Variants in WDR20 observed in about 807,000 individuals in gnomAD.
WDR20 encodes WD repeat domain 20.
A neutral mutation model predicts 38.7 loss-of-function variants in WDR20; 3 were observed. The observed-to-expected ratio is 0.08, with a 90% CI of 0.04 to 0.20. The LOEUF (loss-of-function observed/expected upper bound fraction) is 0.20. Ranked by LOEUF, WDR20 falls within the 10% of genes least tolerant of loss-of-function variation. The pLI is 1.00. For synonymous variants in WDR20, 298 were observed against 285.6 expected, an observed-to-expected ratio of 1.04 and a Z score of -0.44; for missense variants, 559 against 727.7, an observed-to-expected ratio of 0.77 and a Z score of 2.67.
At chr14:102,153,791 G>C (rs1006305298) in intron 1 of WDR20, among the ~76,000 whole-genome samples, 1 of 152,138 alleles carries the variant, frequency 6.6e-6, no homozygotes, top group African/African-American at 2.4e-5. Flanking sequence ...GCTCCTTCTT[G>C]CTGTTTAGAT....
At chr14:102,152,560 G>A (rs564490286) in intron 1 of WDR20, among the ~76,000 whole-genome samples, 8 of 151,478 alleles carry the variant, frequency 5.3e-5, no homozygotes, top group African/African-American at 1.2e-4. Flanking sequence ...GACTATAGGC[G>A]TGTGCCACCA....
rs567319496 is a variant in WDR20 at position 102,184,650 on chromosome 14, AT to A, written c.250-10286del. 7.6e-4 allele frequency among the ~76,000 whole-genome samples: 115 copies of A among 152,072 alleles called. 1 individual carries two copies. Among genetic ancestry groups the A allele is most frequent in the African/African-American group, 2.7e-3 (111 of 41,486 alleles). On this transcript the variant is annotated intron_variant, in intron 1 of 2. Transcript: ENST00000342702. ...TGATGAGCAGCAAGCAATTCCAGAG[AT>A]TGTCACTGTGAAATTTTTACTTAAC...
Position 102,140,006 on chromosome 14 carries a change from C to G in WDR20, c.83C>G (p.Pro28Arg). The G allele has an allele frequency of 6.2e-7, 1 of 1,614,226 alleles. No individual in the cohort carries two copies. The highest frequency in any genetic ancestry group is 8.5e-7 in the Non-Finnish European group (1 of 1,180,024). Residue 28 changes from proline (P) to arginine (R), a missense_variant, in exon 1 of 3, where the codon CCG becomes CGG. Transcript: ENST00000342702. Reference protein sequence around the residue: ...TTREGLYKLLPHSEYSRPNRV... With the variant: ...TTREGLYKLLRHSEYSRPNRV... ...CGGGAAGGTCTGTACAAGCTGCTGC[C>G]GCACTCGGAGTACAGCCGGCCCAAC...
chr14:102,139,437 C>T (rs766212680), upstream of WDR20: 4 of 1,510,122 alleles, frequency 2.6e-6, no homozygotes, highest in South Asian at 3.8e-5. Flanking sequence ...CGCGTGCTGG[C>T]TCCGAAGCGG....
At chr14:102,160,854 A>G (rs2058468085) in intron 1 of WDR20, among the ~76,000 whole-genome samples, 1 of 144,896 alleles carries the variant, frequency 6.9e-6, no homozygotes, top group Admixed American at 7.2e-5. Flanking sequence ...AGGCTGAGGC[A>G]GGAGAATGGC....
At chr14:102,172,302 T>G (rs2061006162) in intron 1 of WDR20, among the ~76,000 whole-genome samples, 1 of 150,792 alleles carries the variant, frequency 6.6e-6, no homozygotes, top group Non-Finnish European at 1.5e-5. Flanking sequence ...CTCCCATGTC[T>G]GCTTCTTTCC....
chr14:102,160,168 C>T (rs1596020732), intron 1 of WDR20, among the ~76,000 whole-genome samples: 1 of 152,080 alleles, frequency 6.6e-6, no homozygotes, highest in African/African-American at 2.4e-5. Flanking sequence ...TTTAAGTGTA[C>T]AATTGAATGA....
intron 1 of WDR20, among the ~76,000 whole-genome samples, chr14:102,194,387 G>A (rs1178182841): frequency 2.0e-5 from 3 of 152,170 alleles, no homozygotes; most frequent in South Asian, 2.1e-4. Flanking sequence ...GCCTCTTTAC[G>A]ACTTGCTGGC....
At chr14:102,210,948 G>T (rs1322506447), downstream of WDR20, among the ~76,000 whole-genome samples, 1 of 152,156 alleles carries the variant, frequency 6.6e-6, no homozygotes, top group Non-Finnish European at 1.5e-5. Context: ...ATTACTCTTG[G>T]GATGCTGACG....
downstream of WDR20, among the ~76,000 whole-genome samples, chr14:102,216,198 C>T (rs1010679105): frequency 6.6e-6 from 1 of 152,188 alleles, no homozygotes; most frequent in African/African-American, 2.4e-5. Context: ...TGTCTTGAGT[C>T]TGGGCTGTCA....
At chr14:102,175,964 G>C (rs1234296554) in intron 1 of WDR20, among the ~76,000 whole-genome samples, 1 of 151,744 alleles carries the variant, frequency 6.6e-6, no homozygotes, top group East Asian at 1.9e-4. Flanking sequence ...GAGTCTTTAG[G>C]GTTTTCTAGG....
downstream of WDR20, chr14:102,223,747 GTT>G (rs904298247): frequency 7.2e-5 from 11 of 152,182 alleles, no homozygotes; most frequent in Non-Finnish European, 2.9e-5. Flanking sequence ...GTATGGAATT[GTT>G]TTGTCTTTTT....
chr14:102,214,093 G>A (rs891738594), downstream of WDR20: 7 of 985,414 alleles, frequency 7.1e-6, no homozygotes, highest in Admixed American at 1.2e-4. Context: ...GGCGGCGGTC[G>A]GTGTGCCCTT....
At chr14:102,148,696 TG>T (rs1296138510) in intron 1 of WDR20, among the ~76,000 whole-genome samples, 2,347 of 151,430 alleles carry the variant, frequency 0.015, 48 homozygotes, top group South Asian at 0.093. Flanking sequence ...TGTGTGTGTG[TG>T]TGTGTGTGTG....
rs555145243 is a variant in WDR20 at position 102,220,037 on chromosome 14, T to G, written c.1693-2793T>G. On this transcript the variant is annotated intron_variant, in intron 3 of 3. Transcript: ENST00000335263. The surrounding 1 kb of genome is among the most constrained non-coding windows in gnomAD (Gnocchi z 4.2). The stretch of plus-strand genomic sequence containing the variant: ...CATTTGTTTTGTGCTAATGGGAGAA[T>G]AGGAAGCCTGCAGCCCTCGCGTTGG... Among the ~76,000 whole-genome samples, 1 of 152,214 alleles carries G rather than the reference T, an allele frequency of 6.6e-6. No individual in the cohort carries two copies. The highest frequency in any genetic ancestry group is 1.5e-5 in the Non-Finnish European group (1 of 68,032).
rs1375095402 is a variant in WDR20 at position 102,222,842 on chromosome 14, TC to T, written c.1709del (p.Pro570GlnfsTer11). 5.0e-6 allele frequency: 8 copies of T among 1,614,170 alleles called. No homozygotes were observed. The South Asian group carries it at 7.7e-5, about 16-fold the overall frequency. On this transcript the variant is annotated frameshift_variant, in exon 4 of 4. Transcript: ENST00000335263. LOFTEE classifies it high-confidence loss of function. The surrounding 1 kb of genome is among the most constrained non-coding windows in gnomAD (Gnocchi z 4.4). The stretch of plus-strand genomic sequence containing the variant: ...GCTTTGTTTGCAGGGCTCATTGTCA[TC>T]CCCAAGCCAGGCCAGTTCTCCAGGT...
chr14:102,216,419 G>GT (rs1244966835), downstream of WDR20, among the ~76,000 whole-genome samples: 1 of 152,096 alleles, frequency 6.6e-6, no homozygotes, highest in Non-Finnish European at 1.5e-5. Flanking sequence ...GGCCTCTTGA[G>GT]TAACTGGGAC....
chr14:102,189,504 A>G (rs892797114), intron 1 of WDR20, among the ~76,000 whole-genome samples: 1 of 152,260 alleles, frequency 6.6e-6, no homozygotes, highest in Non-Finnish European at 1.5e-5. Flanking sequence ...TTCTACAAAT[A>G]CTTAGCCTCT....
rs980691365 is a variant in WDR20 at position 102,222,138 on chromosome 14, A to G, written c.1693-692A>G. Among the ~76,000 whole-genome samples the G allele has an allele frequency of 2.0e-5, 3 of 147,458 alleles. No individual in the cohort carries two copies. The highest frequency in any genetic ancestry group is 7.6e-5 in the African/African-American group (3 of 39,680). On this transcript the variant is annotated intron_variant, in intron 3 of 3. Coordinates refer to the WDR20 transcript ENST00000335263. The surrounding 1 kb of genome is among the most constrained non-coding windows in gnomAD (Gnocchi z 4.4). Reference sequence around the variant, plus strand: ...TCAGCAGGAGCCGCCCTAAAGAGCCAGATGCCCCCCACCATTCTTCCTGCT... The same window carrying G: ...TCAGCAGGAGCCGCCCTAAAGAGCCGGATGCCCCCCACCATTCTTCCTGCT...
Sources: gnomAD v4.1 joint callset for allele counts (sites outside exome capture counted in the v4.1 genomes callset) on GRCh38, gnomAD v4.1.1 for gene constraint, Gnocchi (gnomAD v3.1) non-coding constraint, MANE v1.5 for transcripts, NCBI Gene and HGNC (gene_info 2026-07-23, HGNC 2026-07-21) for gene names.